The following NTN4 variants were observed in gnomAD, a reference collection of about 807,000 sequenced individuals.
The protein encoded by NTN4 is netrin-4.
In NTN4, 32 loss-of-function variants were observed where a neutral mutation model predicts 73.6. The observed-to-expected ratio is 0.44, with a 90% CI of 0.33 to 0.58. The LOEUF is 0.58. Ranked by LOEUF, NTN4 falls within the 20% of genes least tolerant of loss-of-function variation. The pLI is 0.04. For missense variants in NTN4, 654 were observed against 798.3 expected (o/e 0.82, Z 2.18); for synonymous variants, 258 against 287.5 (o/e 0.90, Z 1.04).
intron 2 of NTN4, among the ~76,000 whole-genome samples, chr12:95,769,033 C>T (rs11108249): frequency 0.34 from 51,778 of 151,804 alleles, 9,370 homozygotes; most frequent in East Asian, 0.6. Flanking sequence ...AGGGGGTTTG[C>T]AGAGATGTCA....
chr12:95,659,535 C>T (rs2078119536), intron 9 of NTN4, among the ~76,000 whole-genome samples: 1 of 151,956 alleles, frequency 6.6e-6, no homozygotes. Context: ...TGAACTCAAG[C>T]CATCTGCCCA....
intron 5 of NTN4, among the ~76,000 whole-genome samples, chr12:95,700,724 A>C (rs1565889133): frequency 6.6e-6 from 1 of 152,082 alleles, no homozygotes; most frequent in Non-Finnish European, 1.5e-5. Context: ...ACCCTGCCGC[A>C]AAAGCCAGTA....
At chr12:95,695,443 CA>C (rs928054492) in intron 5 of NTN4, among the ~76,000 whole-genome samples, 2 of 152,114 alleles carry the variant, frequency 1.3e-5, no homozygotes, top group African/African-American at 4.8e-5. Flanking sequence ...TGGTTTACTG[CA>C]ACCTCCACCT....
chr12:95,772,887 C>G (rs2079066872), intron 2 of NTN4, among the ~76,000 whole-genome samples: 1 of 152,200 alleles, frequency 6.6e-6, no homozygotes, highest in Non-Finnish European at 1.5e-5. Context: ...CCCTCACCCT[C>G]CTTCCCTCTT....
intron 5 of NTN4, among the ~76,000 whole-genome samples, chr12:95,709,064 A>G (rs1367772884): frequency 2.6e-5 from 4 of 152,224 alleles, no homozygotes; most frequent in African/African-American, 4.8e-5. Context: ...TATTTAAGAG[A>G]AAAAGCTTTT....
At chr12:95,758,359 ACATG>A (rs2078961433) in intron 2 of NTN4, among the ~76,000 whole-genome samples, 1 of 152,116 alleles carries the variant, frequency 6.6e-6, no homozygotes, top group Non-Finnish European at 1.5e-5. Context: ...CATGTGTTTG[ACATG>A]CATCCTCTTC....
intron 2 of NTN4, among the ~76,000 whole-genome samples, chr12:95,771,152 G>C (rs2079056537): frequency 6.6e-6 from 1 of 151,928 alleles, no homozygotes; most frequent in African/African-American, 2.4e-5. Flanking sequence ...ACCACGCCCG[G>C]CTAATTTTTT....
intron 3 of NTN4, among the ~76,000 whole-genome samples, 199 bp from the exon 4 acceptor site, chr12:95,713,537 A>G (rs1354673967): frequency 6.6e-6 from 1 of 152,218 alleles, no homozygotes; most frequent in African/African-American, 2.4e-5. Flanking sequence ...AAGATTAAGT[A>G]ATATAGTTTC....
At chr12:95,752,227 C>T (rs2078913693) in intron 2 of NTN4, among the ~76,000 whole-genome samples, 1 of 151,394 alleles carries the variant, frequency 6.6e-6, no homozygotes, top group East Asian at 2.0e-4. Context: ...CTTTTAAAGC[C>T]TATAAACTCT....
chr12:95,770,669 G>A (rs1328784887), intron 2 of NTN4, among the ~76,000 whole-genome samples: 1 of 152,290 alleles, frequency 6.6e-6, no homozygotes, highest in African/African-American at 2.4e-5. Flanking sequence ...AGTGTAAGAG[G>A]GTGATCACAT....
intron 2 of NTN4, among the ~76,000 whole-genome samples, chr12:95,753,101 T>C: frequency 6.6e-6 from 1 of 152,112 alleles, no homozygotes. Flanking sequence ...TTCCCCATAT[T>C]TCATTCTTTC....
At chr12:95,712,787 C>CTTTTTTTT (rs35614636) in intron 4 of NTN4, among the ~76,000 whole-genome samples, 2,341 of 105,520 alleles carry the variant, frequency 0.022, no homozygotes, top group African/African-American at 0.027. Context: ...TTCTTTCTTT[C>CTTTTTTTT]TTTTTTTTTT....
intron 2 of NTN4, among the ~76,000 whole-genome samples, chr12:95,770,687 C>T (rs909544349): frequency 6.6e-6 from 1 of 152,230 alleles, no homozygotes; most frequent in African/African-American, 2.4e-5. Context: ...CATCTTCTCT[C>T]TTCAATTCAA....
chr12:95,693,960 A>C (rs2078421564), intron 5 of NTN4, among the ~76,000 whole-genome samples: 1 of 151,938 alleles, frequency 6.6e-6, no homozygotes, highest in Non-Finnish European at 1.5e-5. Context: ...TATTCTGAAG[A>C]GATTGCTATA....
At chr12:95,689,042 C>T (rs2078383278) in intron 5 of NTN4, among the ~76,000 whole-genome samples, 1 of 152,026 alleles carries the variant, frequency 6.6e-6, no homozygotes, top group Admixed American at 6.6e-5. Flanking sequence ...GTGAGGTTTG[C>T]AAAAAATTTC....
At chr12:95,749,154 A>G (rs2078884710) in intron 2 of NTN4, among the ~76,000 whole-genome samples, 1 of 151,822 alleles carries the variant, frequency 6.6e-6, no homozygotes, top group African/African-American at 2.4e-5. Context: ...ATCCTATAAA[A>G]CGGCCCCACC....
At chr12:95,702,879 T>C (rs866240000) in intron 5 of NTN4, among the ~76,000 whole-genome samples, 11 of 122,482 alleles carry the variant, frequency 9.0e-5, no homozygotes, top group African/African-American at 3.1e-4. Flanking sequence ...TTTTGAGACA[T>C]AGTCTTGCTC....
At chr12:95,777,400 C>T (rs1179568145) in intron 2 of NTN4, among the ~76,000 whole-genome samples, 4 of 152,150 alleles carry the variant, frequency 2.6e-5, no homozygotes, top group Non-Finnish European at 5.9e-5. Flanking sequence ...CATCAGTGTG[C>T]TGTATTCAGG....
chr12:95,703,036 T>C (rs1313137732), intron 5 of NTN4, among the ~76,000 whole-genome samples: 3 of 152,066 alleles, frequency 2.0e-5, no homozygotes, highest in African/African-American at 7.2e-5. Context: ...TTTGTATTTT[T>C]AGTAGAGACG....
Sources: allele counts gnomAD v4.1 joint callset (sites outside exome capture counted in the v4.1 genomes callset), GRCh38; gene constraint gnomAD v4.1.1; transcripts MANE v1.5; gene names NCBI Gene and HGNC (gene_info 2026-07-23, HGNC 2026-07-21).